The following PLXNC1 variants were observed in gnomAD, a reference collection of about 807,000 sequenced individuals.
PLXNC1 encodes plexin-C1.
PLXNC1 carries 75 observed loss-of-function variants against 178.2 expected under a neutral mutation model. The ratio of observed to expected loss-of-function variants is 0.42; its 90% CI spans 0.35 to 0.51. The LOEUF is 0.51. PLXNC1 is among the 20% of genes least tolerant of loss of function. The pLI is 0.02. For missense variants in PLXNC1, 1,503 were observed against 1,984.4 expected (o/e 0.76, Z 4.61); for synonymous variants, 790 against 779.9 (o/e 1.01, Z -0.22).
chr12:94,266,021 G>A (rs938072820), intron 21 of PLXNC1, among the ~76,000 whole-genome samples: 9 of 152,178 alleles, frequency 5.9e-5, no homozygotes, highest in African/African-American at 1.9e-4. Flanking sequence ...TTGATCTTTA[G>A]CTTTATGAAG....
At position 94,298,515 on chromosome 12, in the gene PLXNC1, G is replaced by T. The variant is rs963793389; in HGVS notation, c.4075-117G>T. The T allele has an allele frequency of 4.2e-5, 35 of 842,316 alleles. No homozygotes were observed. The South Asian group carries it at 6.1e-4, about 15-fold the overall frequency. 52.2% of individuals were successfully genotyped at this position (842,316 alleles called of 1,614,324 possible). On this transcript the variant is annotated intron_variant, in intron 26 of 30. Coordinates refer to ENST00000258526, the MANE Select transcript of PLXNC1 (RefSeq NM_005761.3). ...AATTTTACATTTTTCTCTTCAGTTT[G>T]TTTTTCCCTGTTTTGAACATTATTT...
At chr12:94,252,841 C>T (rs75882875) in intron 15 of PLXNC1, among the ~76,000 whole-genome samples, 2,629 of 152,312 alleles carry the variant, frequency 0.017, 16 homozygotes, top group Middle Eastern at 0.027. Context: ...TCGTTTGTGA[C>T]TCTGGTTCTG....
At chr12:94,292,007 T>G (rs1050097304) in intron 23 of PLXNC1, among the ~76,000 whole-genome samples, 1 of 152,242 alleles carries the variant, frequency 6.6e-6, no homozygotes, top group Non-Finnish European at 1.5e-5. Flanking sequence ...GTGACTGGCT[T>G]CTTCGCGTGT....
At chr12:94,177,137 A>ATATATGTGTG (rs201041826) in intron 2 of PLXNC1, among the ~76,000 whole-genome samples, 5 of 67,410 alleles carry the variant, frequency 7.4e-5, no homozygotes, top group African/African-American at 3.8e-4. Context: ...GTGTATATAT[A>ATATATGTGTG]TGTGTGTGTG....
chr12:94,149,721 C>T lies in PLXNC1; in HGVS notation c.750C>T (p.Pro250=). ...WNGSIYFPYY[P]YNYTSGAATG... The stretch of plus-strand genomic sequence containing the variant: ...GCAGCATCTACTTCCCCTACTACCC[C>T]TACAACTACACGAGCGGCGCTGCCA... The change falls in exon 1 of 31, where the codon CCC becomes CCT. Residue 250 remains proline (P), a synonymous_variant. Coordinates refer to ENST00000258526, the MANE Select transcript of PLXNC1 (RefSeq NM_005761.3). The T allele has an allele frequency of 6.2e-7, 1 of 1,612,474 alleles. No individual in the cohort carries two copies. The highest frequency in any genetic ancestry group is 8.5e-7 in the Non-Finnish European group (1 of 1,179,542).
At chr12:94,284,052 C>T (rs1045400846) in intron 23 of PLXNC1, among the ~76,000 whole-genome samples, 1 of 147,824 alleles carries the variant, frequency 6.8e-6, no homozygotes, top group Admixed American at 6.8e-5. Flanking sequence ...CATGGCACTC[C>T]AGCCTGTGCG....
chr12:94,214,146 G>A (rs141932788), intron 5 of PLXNC1, among the ~76,000 whole-genome samples: 61 of 150,946 alleles, frequency 4.0e-4, no homozygotes, highest in African/African-American at 8.3e-4. Context: ...GTGCAGAGAC[G>A]TGATCATAAT....
At chr12:94,300,405 G>A (rs1181917000) in intron 27 of PLXNC1, among the ~76,000 whole-genome samples, 2 of 152,168 alleles carry the variant, frequency 1.3e-5, no homozygotes, top group Admixed American at 1.3e-4. Flanking sequence ...TGTGAGGCAC[G>A]TGCTTGCTTG....
intron 25 of PLXNC1, 24 bp downstream of exon 25, chr12:94,297,244 C>T (rs768396954): frequency 2.0e-5 from 32 of 1,613,664 alleles, no homozygotes; most frequent in Non-Finnish European, 2.1e-5. Context: ...TTCTTGTGCT[C>T]ACCACTGAAC....
rs576014646 is a variant in PLXNC1, at chr12:94,178,657, T to C, written c.1204-2789T>C. 1.8e-3 allele frequency among the ~76,000 whole-genome samples: 274 copies of C among 152,368 alleles called. 2 individuals carry two copies. Among genetic ancestry groups the C allele is most frequent in the African/African-American group, 6.1e-3 (252 of 41,594 alleles). Reference sequence around the variant, plus strand: ...AGCAGTGTTGGCCAAGAGAACTTTCTGTAGTGATAGAAATGTTCTACATCT... The same window carrying C: ...AGCAGTGTTGGCCAAGAGAACTTTCCGTAGTGATAGAAATGTTCTACATCT... On this transcript the variant is annotated intron_variant, in intron 2 of 30. Coordinates refer to ENST00000258526, the MANE Select transcript of PLXNC1 (RefSeq NM_005761.3).
chr12:94,233,525 G>T (rs905991863), intron 9 of PLXNC1, among the ~76,000 whole-genome samples: 2 of 152,216 alleles, frequency 1.3e-5, no homozygotes, highest in African/African-American at 4.8e-5. Flanking sequence ...GCTCAGAGAA[G>T]TGAGTCTTGA....
In PLXNC1 at chr12:94,297,202, G is replaced by A. The variant is rs373265612; in HGVS notation, c.3948G>A (p.Ser1316=). ...IANFTSDVEY[S]DDHCHLILPD... ...TCTGGCATTCAGATGTGGAGTACTC[G>A]GATGACCACTGCCATTTGGTGAGTT... The change falls in exon 25 of 31, where the codon TCG becomes TCA. Residue 1316 remains serine, a synonymous_variant. Coordinates refer to ENST00000258526, the MANE Select transcript of PLXNC1 (RefSeq NM_005761.3). The A allele has an allele frequency of 4.3e-5, 69 of 1,613,844 alleles. No homozygotes were observed. In the East Asian group the frequency reaches 4.7e-4, roughly 11 times the overall value.
At chr12:94,202,041 A>C (rs1453012012) in intron 4 of PLXNC1, among the ~76,000 whole-genome samples, 1 of 151,874 alleles carries the variant, frequency 6.6e-6, no homozygotes, top group Non-Finnish European at 1.5e-5. Context: ...TTACAGGCAT[A>C]AGCCACTAGC....
At chr12:94,272,879 C>T (rs1376140939) in intron 21 of PLXNC1, among the ~76,000 whole-genome samples, 2 of 152,226 alleles carry the variant, frequency 1.3e-5, no homozygotes, top group African/African-American at 4.8e-5. Context: ...CAAGCCTCCT[C>T]TACCAGATCG....
intron 1 of PLXNC1, 127 bp from the exon 2 acceptor site, chr12:94,169,026 G>A (rs2361358): frequency 0.87 from 747,697 of 859,636 alleles, 325,435 homozygotes; most frequent in East Asian, 0.93. Context: ...TAGTCTAAGA[G>A]AATATATGTG....
In PLXNC1 at chr12:94,223,664, G is replaced by A. The variant is rs188402224; in HGVS notation, c.1703-564G>A. Among the ~76,000 whole-genome samples, 13 of 152,158 alleles carry A rather than the reference G, an allele frequency of 8.5e-5. 1 individual carries two copies. In the East Asian group the frequency reaches 2.5e-3, roughly 29 times the overall value. On this transcript the variant is annotated intron_variant, in intron 6 of 30. Transcript: ENST00000258526. ...AATCCTTGTTATTTTGTTCTTTTGG[G>A]GTTTTCTAACCAATGAGTAGGTTTT...
chr12:94,164,661 GCACACACACACACACACA>G (rs3060912), intron 1 of PLXNC1, among the ~76,000 whole-genome samples: 15,060 of 148,808 alleles, frequency 0.1, 1,227 homozygotes, highest in African/African-American at 0.22. Flanking sequence ...ATGACTCCCT[GCACACACACACACACACA>G]CACACACACA....
At chr12:94,177,273 G>T (rs1962131756) in intron 2 of PLXNC1, among the ~76,000 whole-genome samples, 1 of 142,350 alleles carries the variant, frequency 7.0e-6, no homozygotes, top group South Asian at 2.2e-4. Context: ...ATGAGGGGCT[G>T]CAGGGTCCAA....
intron 20 of PLXNC1, among the ~76,000 whole-genome samples, chr12:94,262,319 A>G (rs1326896162): frequency 2.0e-5 from 3 of 152,238 alleles, no homozygotes; most frequent in Non-Finnish European, 4.4e-5. Context: ...CCATCTGGGC[A>G]TCTGTTTTCA....
Sources: allele counts gnomAD v4.1 joint callset (sites outside exome capture counted in the v4.1 genomes callset), GRCh38; gene constraint gnomAD v4.1.1; transcripts MANE v1.5; gene names NCBI Gene and HGNC (gene_info 2026-07-23, HGNC 2026-07-21).